PRKG1: variants seen among roughly 807,000 people sequenced by gnomAD.
PRKG1 encodes protein kinase cGMP-dependent 1, also known as cGMP-dependent protein kinase 1.
A neutral mutation model predicts 88.1 loss-of-function variants in PRKG1; 35 were observed. That is an observed-to-expected ratio of 0.40 (90% CI 0.30 to 0.53). The LOEUF (loss-of-function observed/expected upper bound fraction) is 0.53, where lower values mean the gene tolerates loss of function less well. Ranked by LOEUF, PRKG1 falls within the 20% of genes least tolerant of loss-of-function variation. The probability of loss-of-function intolerance (pLI) is 0.59; values close to 1 mark genes in which losing one functional copy is unlikely to be tolerated. For synonymous variants in PRKG1, 303 were observed against 292.5 expected (o/e 1.04, Z -0.37); for missense variants, 540 against 839.8 (o/e 0.64, Z 4.41).
chr10:51,237,015 T>C (rs536808299), intron 2 of PRKG1, among the ~76,000 whole-genome samples: 1 of 152,308 alleles, frequency 6.6e-6, no homozygotes, highest in South Asian at 2.1e-4. Context: ...TCAGGACTGT[T>C]CTGGTTCATG....
chr10:51,717,831 CAA>C (rs776653787), intron 3 of PRKG1, among the ~76,000 whole-genome samples: 28 of 68,740 alleles, frequency 4.1e-4, no homozygotes, highest in Admixed American at 4.8e-4. Flanking sequence ...GACTCTGTCT[CAA>C]AAAAAAAAAA....
intron 2 of PRKG1, among the ~76,000 whole-genome samples, chr10:51,232,308 T>C (rs1018740382): frequency 6.6e-6 from 1 of 152,192 alleles, no homozygotes; most frequent in African/African-American, 2.4e-5. Flanking sequence ...GATTAATAAT[T>C]GCAGATATGA....
At chr10:51,518,574 A>T (rs1041590314) in intron 3 of PRKG1, among the ~76,000 whole-genome samples, 1 of 152,220 alleles carries the variant, frequency 6.6e-6, no homozygotes, top group East Asian at 1.9e-4. Context: ...GAGAGGTAGC[A>T]TATAGAGCTG....
At chr10:51,671,819 C>G (rs1358853889) in intron 3 of PRKG1, among the ~76,000 whole-genome samples, 1 of 152,116 alleles carries the variant, frequency 6.6e-6, no homozygotes, top group Non-Finnish European at 1.5e-5. Flanking sequence ...ATCTCCTGAC[C>G]TTGTGATTTG....
At chr10:51,820,716 C>T (rs1297407735) in intron 4 of PRKG1, among the ~76,000 whole-genome samples, 3 of 152,164 alleles carry the variant, frequency 2.0e-5, no homozygotes, top group East Asian at 3.9e-4. Flanking sequence ...TAATGGAAAA[C>T]TTGTGGTTTG....
intron 3 of PRKG1, among the ~76,000 whole-genome samples, chr10:51,571,250 A>T (rs966008482): frequency 1.3e-5 from 2 of 151,960 alleles, no homozygotes; most frequent in Non-Finnish European, 2.9e-5. Flanking sequence ...AATCATTATT[A>T]TAATTCTCAT....
intron 2 of PRKG1, among the ~76,000 whole-genome samples, chr10:51,248,296 T>C (rs1408508266): frequency 6.6e-6 from 1 of 151,906 alleles, no homozygotes; most frequent in Admixed American, 6.6e-5. Flanking sequence ...AGAGATAAGA[T>C]GGATTGTAAT....
intron 2 of PRKG1, among the ~76,000 whole-genome samples, chr10:51,446,627 C>T (rs1189503821): frequency 6.6e-6 from 1 of 151,998 alleles, no homozygotes; most frequent in Non-Finnish European, 1.5e-5. Context: ...AAAGTTGCCA[C>T]CTTGAATTTT....
intron 1 of PRKG1, among the ~76,000 whole-genome samples, chr10:50,999,598 A>T (rs1351855479): frequency 2.0e-5 from 3 of 152,200 alleles, no homozygotes; most frequent in Admixed American, 1.3e-4. Context: ...CAAAAACCTT[A>T]TAGGGTTCTA....
At chr10:51,020,874 TCAAA>T (rs913797252) in intron 1 of PRKG1, among the ~76,000 whole-genome samples, 9 of 152,354 alleles carry the variant, frequency 5.9e-5, no homozygotes, top group African/African-American at 1.7e-4. Flanking sequence ...ATTTATCTGA[TCAAA>T]CATTCTTCAA....
At chr10:52,148,069 T>C (rs1028085460) in intron 8 of PRKG1, among the ~76,000 whole-genome samples, 3 of 152,224 alleles carry the variant, frequency 2.0e-5, no homozygotes, top group Non-Finnish European at 4.4e-5. Flanking sequence ...ATCAGTGTAC[T>C]ATGTAAGAAC....
intron 4 of PRKG1, among the ~76,000 whole-genome samples, chr10:51,864,782 G>A (rs80257757): frequency 0.036 from 5,531 of 152,166 alleles, 145 homozygotes; most frequent in Non-Finnish European, 0.057. Context: ...AAAGATTTTG[G>A]AATAAATTGT....
At chr10:52,147,056 T>C (rs1258456931) in intron 8 of PRKG1, among the ~76,000 whole-genome samples, 1 of 152,216 alleles carries the variant, frequency 6.6e-6, no homozygotes, top group Non-Finnish European at 1.5e-5. Flanking sequence ...TCTGGAAGAT[T>C]GTTCATTCTT....
At chr10:51,743,566 C>A (rs945579283) in intron 3 of PRKG1, among the ~76,000 whole-genome samples, 2 of 149,492 alleles carry the variant, frequency 1.3e-5, no homozygotes, top group African/African-American at 5.0e-5. Context: ...TGTTGCCCCA[C>A]CTCCAAAAAT....
At chr10:51,412,182 A>T (rs1171600399) in intron 2 of PRKG1, among the ~76,000 whole-genome samples, 6 of 73,258 alleles carry the variant, frequency 8.2e-5, no homozygotes, top group Non-Finnish European at 1.3e-4. Context: ...AGAGAGAGTG[A>T]GAGAGAGAGA....
Position 52,099,429 on chromosome 10 carries a change from A to C in PRKG1, c.936-34411A>C, listed in dbSNP as rs549194513. On this transcript the variant is annotated intron_variant, in intron 7 of 17. Coordinates refer to ENST00000373980, the MANE Select transcript of PRKG1 (RefSeq NM_006258.4). ...TTTTTCCCTGTGATAAGTCTTAGAA[A>C]GACCACTTTGTCTTAGCATCATTCT... Among the ~76,000 whole-genome samples the C allele has an allele frequency of 3.9e-5, 6 of 152,232 alleles. No homozygotes were observed. The South Asian group carries it at 1.0e-3, about 26-fold the overall frequency.
At chr10:51,388,989 A>G (rs1379796681) in intron 2 of PRKG1, among the ~76,000 whole-genome samples, 1 of 152,234 alleles carries the variant, frequency 6.6e-6, no homozygotes, top group Non-Finnish European at 1.5e-5. Flanking sequence ...TATTGTATTA[A>G]TACAAAAATA....
intron 3 of PRKG1, among the ~76,000 whole-genome samples, chr10:51,595,469 AAAT>A (rs1412506742): frequency 6.6e-6 from 1 of 152,128 alleles, no homozygotes; most frequent in Non-Finnish European, 1.5e-5. Context: ...TTTCTATTAA[AAAT>A]AATAAAAATT....
chr10:51,822,464 A>G (rs1281113595), intron 4 of PRKG1, among the ~76,000 whole-genome samples: 1 of 152,036 alleles, frequency 6.6e-6, no homozygotes, highest in East Asian at 1.9e-4. Context: ...TAAATGAAGA[A>G]AAAAAAGGTA....
Sources: gnomAD v4.1 joint callset for allele counts (sites outside exome capture counted in the v4.1 genomes callset) on GRCh38, gnomAD v4.1.1 for gene constraint, MANE v1.5 for transcripts, NCBI Gene and HGNC (gene_info 2026-07-23, HGNC 2026-07-21) for gene names.